Variants in DDX54 observed in about 807,000 individuals in gnomAD.
DDX54 encodes the protein ATP-dependent RNA helicase DDX54.
DDX54 carries 67 observed loss-of-function variants against 105.5 expected under a neutral mutation model. The observed-to-expected ratio is 0.64, with a 90% CI of 0.52 to 0.78. The LOEUF (loss-of-function observed/expected upper bound fraction) is 0.78. Ranked by LOEUF, DDX54 falls within the 30% of genes least tolerant of loss-of-function variation. The pLI is 0.00. For missense variants in DDX54, 1,206 were observed against 1,230.5 expected (o/e 0.98, Z 0.30); for synonymous variants, 514 against 509.9 (o/e 1.01, Z -0.11).
At chr12:113,166,943 G>A (rs781513457) in intron 12 of DDX54, among the ~76,000 whole-genome samples, 20 of 152,202 alleles carry the variant, frequency 1.3e-4, no homozygotes, top group Non-Finnish European at 2.8e-4. Flanking sequence ...GTTAAGAGCA[G>A]AGGATGCCGG....
chr12:113,164,831 G>A (rs1952254078), intron 14 of DDX54, among the ~76,000 whole-genome samples: 1 of 151,718 alleles, frequency 6.6e-6, no homozygotes, highest in African/African-American at 2.4e-5. Flanking sequence ...AGGGGTCTGA[G>A]AGCAGCCTAG....
At chr12:113,159,462 CA>C (rs1265827033) in intron 19 of DDX54, among the ~76,000 whole-genome samples, 1 of 152,118 alleles carries the variant, frequency 6.6e-6, no homozygotes, top group Non-Finnish European at 1.5e-5. Flanking sequence ...GTCAGAATTT[CA>C]AGGCCTGTCC....
Position 113,177,043 on chromosome 12 carries a change from C to A in DDX54, c.656+9G>T. The A allele has an allele frequency of 6.2e-7, 1 of 1,614,154 alleles. No homozygotes were observed. The highest frequency in any genetic ancestry group is 8.5e-7 in the Non-Finnish European group (1 of 1,180,016). ...ATCTCAGGGAGTCATCCCCAATCCA[C>A]AAACTCACATGTCGGGATTTTCGTG... On this transcript the variant is annotated intron_variant, in intron 6 of 19. Coordinates refer to ENST00000306014, the MANE Select transcript of DDX54 (RefSeq NM_024072.4).
At chr12:113,176,565 T>C (rs1952406411) in intron 7 of DDX54, among the ~76,000 whole-genome samples, 1 of 152,082 alleles carries the variant, frequency 6.6e-6, no homozygotes, top group Admixed American at 6.6e-5. Flanking sequence ...AGACTCTATC[T>C]CATAAATAAA....
In DDX54 at chr12:113,165,807, A is replaced by T; in HGVS notation, c.1640T>A (p.Leu547His). The T allele has an allele frequency of 6.2e-7, 1 of 1,603,328 alleles. No individual in the cohort carries two copies. Among genetic ancestry groups the T allele is most frequent in the Non-Finnish European group, 8.5e-7 (1 of 1,172,598 alleles). The change falls in exon 13 of 20, where the codon CTC becomes CAC. Residue 547 changes from leucine to histidine, a missense_variant. Transcript: ENST00000306014. ...TGCCTTGTAGAAGGACTCACTGAAGAGGGGGTGCAGGCCCAGCCCCACAAG... is the reference window on the plus strand; with the variant it reads ...TGCCTTGTAGAAGGACTCACTGAAGTGGGGGTGCAGGCCCAGCCCCACAAG... Reference protein sequence around the residue: ...MDLVGLGLHPLFSSRFEEEEL... With the variant: ...MDLVGLGLHPHFSSRFEEEEL...
In DDX54 at chr12:113,172,528, G is replaced by C. The variant is rs1006013762; in HGVS notation, c.1104C>G (p.Ile368Met). The change falls in exon 11 of 20, where the codon ATC becomes ATG. Residue 368 changes from isoleucine to methionine, a missense_variant. By Grantham distance (10) the Ile-to-Met change is conservative. Around this residue, in one of 3 missense-constraint regions of DDX54, gnomAD observed 961 missense variants for 1,019.1 expected, o/e 0.94. Transcript: ENST00000306014. ...LTTQRVSCAH[I>M]YSALDPTARK... The stretch of plus-strand genomic sequence containing the variant: ...GGGCTGTCGGGTCTAGGGCACTGTA[G>C]ATGTGGGCGCAGCTCACCCGCTGGG... 1 of 1,614,274 alleles carries C rather than the reference G, an allele frequency of 6.2e-7. No homozygotes were observed.
intron 11 of DDX54, among the ~76,000 whole-genome samples, chr12:113,171,340 G>A (rs539772450): frequency 1.3e-5 from 2 of 152,286 alleles, no homozygotes; most frequent in South Asian, 2.1e-4. Context: ...GGTGGCTCAC[G>A]CCTGTAATCA....
Position 113,164,136 on chromosome 12 carries a change from C to T in DDX54, c.1869G>A (p.Pro623=), listed in dbSNP as rs546057708. ...GCTTCTCCTGCAGTGCTGGGCGGCT[C>T]GGGGCTGGGCCCACTGGGCCCTCCT... The part of the protein sequence containing the change: ...EQQEGPVGPA[P]SRPALQEKQP... Residue 623 remains proline (P), a synonymous_variant, in exon 15 of 20, where the codon CCG becomes CCA. Transcript: ENST00000306014. 24 of 1,552,770 alleles carry T rather than the reference C, an allele frequency of 1.5e-5. No individual in the cohort carries two copies. Among genetic ancestry groups the T allele is most frequent in the South Asian group, 4.7e-5 (4 of 84,326 alleles).
intron 19 of DDX54, 162 bp from the exon 20 acceptor site, chr12:113,159,271 G>T: frequency 1.3e-6 from 1 of 753,862 alleles, no homozygotes; most frequent in Non-Finnish European, 2.0e-6. Flanking sequence ...GTTTTAGGCA[G>T]CCTCATGGAG....
intron 1 of DDX54, chr12:113,183,949 C>T (rs1952494945): frequency 6.6e-6 from 1 of 152,232 alleles, no homozygotes; most frequent in Admixed American, 6.6e-5. Flanking sequence ...CCAAGCCAGG[C>T]TAATTTTTAT....
chr12:113,185,423 C>G lies in DDX54; in HGVS notation c.29G>C (p.Gly10Ala), dbSNP rs1198032782. 3.9e-6 allele frequency: 6 copies of G among 1,526,440 alleles called. No homozygotes were observed. In the African/African-American group the frequency reaches 4.3e-5, roughly 11 times the overall value. 94.6% of individuals were successfully genotyped at this position (1,526,440 alleles called of 1,614,324 possible). MAADKGPAA[G>A]PRSRAAMAQW... is the part of the protein sequence containing the mutation. ...GGCCATGGCAGCTCGCGACCGAGGTCCAGCCGCCGGGCCCTTGTCGGCCGC... is the reference window on the plus strand; with the variant it reads ...GGCCATGGCAGCTCGCGACCGAGGTGCAGCCGCCGGGCCCTTGTCGGCCGC... The change falls in exon 1 of 20, where the codon GGA becomes GCA. Residue 10 changes from glycine (G) to alanine (A), a missense_variant. By Grantham distance (60) the Gly-to-Ala change is moderately conservative. Coordinates refer to ENST00000306014, the MANE Select transcript of DDX54 (RefSeq NM_024072.4).
At chr12:113,161,213 TC>T (rs1952200656) in intron 19 of DDX54, 56 bp downstream of exon 19, 2 of 1,446,182 alleles carry the variant, frequency 1.4e-6, no homozygotes, top group African/African-American at 1.4e-5. Flanking sequence ...GTTACCCTAA[TC>T]TGACCACAAC....
chr12:113,174,972 G>A lies in DDX54; in HGVS notation c.875-36C>T. On this transcript the variant is annotated intron_variant, in intron 8 of 19. Transcript: ENST00000306014. ...CATGGGGGAAAGTGGGGGAGTCGCA[G>A]AGGGACTGGCCCCCAGGCCCCAGCC... 1.9e-6 allele frequency: 3 copies of A among 1,611,674 alleles called. No homozygotes were observed. The South Asian group carries it at 3.3e-5, about 18-fold the overall frequency.
At position 113,163,689 on chromosome 12, in the gene DDX54, C is replaced by T. The variant is rs1315914655; in HGVS notation, c.1938+378G>A. On this transcript the variant is annotated intron_variant, in intron 15 of 19. Transcript: ENST00000306014. This position sits in a 1 kb window ranked among gnomAD's most constrained non-coding sequence, Gnocchi z 5.9. ...TACTGAACCCTCTGTCCAAACAAAA[C>T]ATGAGAGAGGGACATCCTGGGGGAC... is the stretch of plus-strand genomic sequence containing the variant. Among the ~76,000 whole-genome samples, 5 of 152,132 alleles carry T rather than the reference C, an allele frequency of 3.3e-5. No homozygotes were observed. Among genetic ancestry groups the T allele is most frequent in the African/African-American group, 4.8e-5 (2 of 41,414 alleles).
chr12:113,185,132 G>T, intron 1 of DDX54, 146 bp downstream of exon 1: 1 of 1,027,490 alleles, frequency 9.7e-7, no homozygotes, highest in Non-Finnish European at 1.3e-6. Context: ...GCTCAGGCCG[G>T]CGGTCCCAAG....
At chr12:113,174,470 G>C (rs540716048) in intron 10 of DDX54, among the ~76,000 whole-genome samples, 170 bp downstream of exon 10, 1 of 152,328 alleles carries the variant, frequency 6.6e-6, no homozygotes, top group South Asian at 2.1e-4. Flanking sequence ...CTGGATGGCA[G>C]AGCGAGGCTC....
intron 14 of DDX54, among the ~76,000 whole-genome samples, chr12:113,164,676 T>A (rs555112924): frequency 6.6e-6 from 1 of 151,704 alleles, no homozygotes; most frequent in South Asian, 2.1e-4. Flanking sequence ...ATTGCACCAC[T>A]GCACCCCAGC....
chr12:113,175,352 T>C (rs1313940979), intron 7 of DDX54, among the ~76,000 whole-genome samples, 195 bp from the exon 8 acceptor site: 1 of 152,238 alleles, frequency 6.6e-6, no homozygotes, highest in Non-Finnish European at 1.5e-5. Context: ...CTTGGTCATG[T>C]TCTTACAAAC....
intron 3 of DDX54, 36 bp from the exon 4 acceptor site, chr12:113,179,367 C>G: frequency 6.2e-7 from 1 of 1,600,608 alleles, no homozygotes. Flanking sequence ...AAGGTCAGCT[C>G]CTCCCCAAAC....
Sources: gnomAD v4.1 joint callset for allele counts (sites outside exome capture counted in the v4.1 genomes callset) on GRCh38, gnomAD v4.1.1 for gene constraint, gnomAD v4.1.1 regional missense constraint, Gnocchi (gnomAD v3.1) non-coding constraint, MANE v1.5 for transcripts, NCBI Gene and HGNC (gene_info 2026-07-23, HGNC 2026-07-21) for gene names.